ZC4H2: variants seen among roughly 807,000 people sequenced by gnomAD.
ZC4H2 encodes the protein zinc finger C4H2 domain-containing protein.
For synonymous variants in ZC4H2, 84 were observed against 66.3 expected (o/e 1.27, Z -1.30); for missense variants, 137 against 173.9 (o/e 0.79, Z 1.19).
intron 1 of ZC4H2, among the ~76,000 whole-genome samples, chrX:64,926,359 G>A (rs1929421823): frequency 8.9e-6 from 1 of 112,167 alleles, no homozygotes; most frequent in Admixed American, 9.4e-5. Flanking sequence ...TATGAATAAA[G>A]CCACTATGAA....
chrX:64,995,328 C>T (rs916099233), intron 1 of ZC4H2, among the ~76,000 whole-genome samples: 4 of 111,474 alleles, frequency 3.6e-5, no homozygotes, highest in African/African-American at 1.3e-4. Flanking sequence ...GATGTTTTTA[C>T]TTGTCTTTGC....
chrX:65,033,854 G>T lies in ZC4H2; in HGVS notation c.-272+775C>A, dbSNP rs372145385. Among the ~76,000 whole-genome samples the T allele has an allele frequency of 2.7e-5, 3 of 111,012 alleles. No homozygotes were observed. In the East Asian group the frequency reaches 8.5e-4, roughly 31 times the overall value. Reference sequence around the variant, plus strand: ...CTGTAATCCCAGCTCTTCGGGAGGCGGAGGCGGGCGGATCACTTGAGGTCA... The same window carrying T: ...CTGTAATCCCAGCTCTTCGGGAGGCTGAGGCGGGCGGATCACTTGAGGTCA... On this transcript the variant is annotated intron_variant, in intron 1 of 4. Coordinates refer to the ZC4H2 transcript ENST00000337990.
chrX:65,021,485 C>T (rs1186967088), intron 1 of ZC4H2, among the ~76,000 whole-genome samples: 1 of 111,079 alleles, frequency 9.0e-6, no homozygotes, highest in African/African-American at 3.3e-5. Context: ...AGAACAAAGA[C>T]ACAACATACC....
At chrX:64,925,603 C>T (rs73512538) in intron 1 of ZC4H2, among the ~76,000 whole-genome samples, 9,212 of 111,374 alleles carry the variant, frequency 0.083, 1,030 homozygotes, top group African/African-American at 0.29. Flanking sequence ...TGCAGCTAGC[C>T]CTGCTTGGAT....
intron 1 of ZC4H2, among the ~76,000 whole-genome samples, chrX:64,963,847 G>A (rs1411534304): frequency 1.8e-5 from 2 of 111,448 alleles, no homozygotes; most frequent in South Asian, 3.7e-4. Flanking sequence ...GTATATTTAT[G>A]CAATGGAATA....
chrX:64,939,884 T>C (rs1019785278), intron 1 of ZC4H2, among the ~76,000 whole-genome samples: 5 of 111,777 alleles, frequency 4.5e-5, no homozygotes, highest in Non-Finnish European at 9.4e-5. Flanking sequence ...ACAGACTTCA[T>C]GTCCAAAACA....
chrX:65,009,755 G>T (rs760140289), intron 1 of ZC4H2, among the ~76,000 whole-genome samples: 1 of 111,821 alleles, frequency 8.9e-6, no homozygotes, highest in South Asian at 3.8e-4. Flanking sequence ...ACTCCTGTGA[G>T]ACTTGGGGGG....
chrX:64,955,328 AG>A (rs1000128091), intron 1 of ZC4H2, among the ~76,000 whole-genome samples: 3 of 111,720 alleles, frequency 2.7e-5, no homozygotes, highest in African/African-American at 3.3e-5. Flanking sequence ...CTGTTATAAC[AG>A]TAGATTATTA....
At chrX:64,978,860 T>C (rs759008734), upstream of ZC4H2, among the ~76,000 whole-genome samples, 5 of 111,389 alleles carry the variant, frequency 4.5e-5, no homozygotes, top group East Asian at 1.1e-3. Context: ...GGAGGGTTTG[T>C]ATGGGATGTG....
At chrX:64,991,615 T>C (rs1932309427) in intron 1 of ZC4H2, among the ~76,000 whole-genome samples, 1 of 111,743 alleles carries the variant, frequency 8.9e-6, no homozygotes, top group Admixed American at 9.5e-5. Flanking sequence ...ACATTGGCAG[T>C]TCCTCAACAA....
At chrX:64,991,569 T>C (rs914084902) in intron 1 of ZC4H2, among the ~76,000 whole-genome samples, 18 of 111,263 alleles carry the variant, frequency 1.6e-4, no homozygotes, top group Admixed American at 6.7e-4. Context: ...AAAACTATTC[T>C]CACAGCTTGC....
At chrX:64,972,625 C>G (rs1931818689) in intron 1 of ZC4H2, among the ~76,000 whole-genome samples, 1 of 111,428 alleles carries the variant, frequency 9.0e-6, no homozygotes, top group Non-Finnish European at 1.9e-5. Flanking sequence ...TTTTTTCTTT[C>G]CTAGCTGTGT....
upstream of ZC4H2, among the ~76,000 whole-genome samples, chrX:64,977,416 G>C (rs1475436866): frequency 8.9e-6 from 1 of 112,129 alleles, no homozygotes; most frequent in African/African-American, 3.2e-5. Context: ...GTAGGAACCA[G>C]ACTATGAAAT....
rs143129266 is a variant in ZC4H2 at position 64,992,480 on chromosome X, A to G, written c.-272+42149T>C. On this transcript the variant is annotated intron_variant, in intron 1 of 4. Coordinates refer to the ZC4H2 transcript ENST00000337990. ...CACTGCCTTGTGGGGTTCAGAATTTATTCACATTCTCAAACTTGGGTTTGG... is the reference window on the plus strand; with the variant it reads ...CACTGCCTTGTGGGGTTCAGAATTTGTTCACATTCTCAAACTTGGGTTTGG... Among the ~76,000 whole-genome samples, 941 of 111,788 alleles carry G rather than the reference A, an allele frequency of 8.4e-3. 11 individuals are homozygous for G. Among genetic ancestry groups the G allele is most frequent in the Admixed American group, 0.043 (453 of 10,521 alleles).
At chrX:64,970,894 G>A (rs756667212) in intron 1 of ZC4H2, among the ~76,000 whole-genome samples, 6 of 111,738 alleles carry the variant, frequency 5.4e-5, no homozygotes, top group African/African-American at 1.3e-4. Context: ...ACAGATTTCC[G>A]GGGAGGCAGC....
chrX:64,938,306 CA>C (rs1238470514), intron 1 of ZC4H2, among the ~76,000 whole-genome samples: 1 of 111,447 alleles, frequency 9.0e-6, no homozygotes, highest in Non-Finnish European at 1.9e-5. Flanking sequence ...GACTACCAAC[CA>C]AAAAAAGTCC....
intron 1 of ZC4H2, among the ~76,000 whole-genome samples, chrX:64,947,116 A>G (rs1348573164): frequency 8.9e-6 from 1 of 111,956 alleles, no homozygotes; most frequent in African/African-American, 3.2e-5. Flanking sequence ...TATGTTGTTT[A>G]GTGTCCAAGC....
intron 1 of ZC4H2, among the ~76,000 whole-genome samples, chrX:64,927,057 C>T (rs1265955731): frequency 3.6e-5 from 4 of 111,357 alleles, no homozygotes; most frequent in Admixed American, 2.9e-4. Context: ...CAGTAGCTTG[C>T]CTTTTTGTCA....
chrX:64,950,864 G>A (rs1602410981), intron 1 of ZC4H2, among the ~76,000 whole-genome samples: 2 of 110,146 alleles, frequency 1.8e-5, no homozygotes, highest in African/African-American at 6.6e-5. Context: ...GTGCAGGTTA[G>A]TTACATATGT....
Sources: gnomAD v4.1 joint callset for allele counts (sites outside exome capture counted in the v4.1 genomes callset) on GRCh38, gnomAD v4.1.1 for gene constraint, MANE v1.5 for transcripts, NCBI Gene and HGNC (gene_info 2026-07-23, HGNC 2026-07-21) for gene names.